The following HAUS1 variants were observed in gnomAD, a reference collection of about 807,000 sequenced individuals.
HAUS1 encodes HAUS augmin-like complex subunit 1.
Under a neutral mutation model 38.6 loss-of-function variants are expected in HAUS1, and 25 were observed. That is an observed-to-expected ratio of 0.65 (90% CI 0.47 to 0.91). The LOEUF (loss-of-function observed/expected upper bound fraction) is 0.91. Among genes scored for constraint, HAUS1 ranks in the 40% least tolerant of loss-of-function variants. The pLI is 0.00. For synonymous variants in HAUS1, 109 were observed against 112.9 expected (o/e 0.97, Z 0.22); for missense variants, 325 against 328.4 (o/e 0.99, Z 0.08).
At chr18:46,123,003 A>G (rs758744585) in intron 5 of HAUS1, among the ~76,000 whole-genome samples, 1 of 152,136 alleles carries the variant, frequency 6.6e-6, no homozygotes, top group Non-Finnish European at 1.5e-5. Context: ...TGAGGTCAGG[A>G]GATCGAGACC....
intron 2 of HAUS1, among the ~76,000 whole-genome samples, chr18:46,112,928 A>T (rs1160795887): frequency 1.7e-5 from 2 of 115,442 alleles, no homozygotes; most frequent in Non-Finnish European, 3.2e-5. Flanking sequence ...TAATGTGTAT[A>T]TATTCCATAT....
In HAUS1 at chr18:46,105,253, C is replaced by T. The variant is rs764022467; in HGVS notation, c.90C>T (p.Asn30=). ...ATCCTATTCCACAGTATGAGGTGAA[C>T]CCACGGACCACAGAGATTTTACATC... ...GDHPIPQYEV[N]PRTTEILHHL... Residue 30 remains asparagine (N), a synonymous_variant, in exon 2 of 9, where the codon AAC becomes AAT. Coordinates refer to ENST00000282058, the MANE Select transcript of HAUS1 (RefSeq NM_138443.4). 12 of 1,613,336 alleles carry T rather than the reference C, an allele frequency of 7.4e-6. No individual in the cohort carries two copies. In the Admixed American group the frequency reaches 1.5e-4, roughly 20 times the overall value.
intron 2 of HAUS1, among the ~76,000 whole-genome samples, chr18:46,110,213 T>C (rs895850522): frequency 6.8e-6 from 1 of 147,920 alleles, no homozygotes; most frequent in African/African-American, 2.5e-5. Context: ...TGACGTGTAG[T>C]GGCATGATCA....
rs1021179997 is a variant in HAUS1, at chr18:46,128,007, A to G, written c.787-68A>G. On this transcript the variant is annotated intron_variant, in intron 8 of 8. Coordinates refer to ENST00000282058, the MANE Select transcript of HAUS1 (RefSeq NM_138443.4). Reference sequence around the variant, plus strand: ...TCCTTTTTTGCTTCCCTTATTTTAAATAACATTAAATAAAAGTTAGAGCAT... The same window carrying G: ...TCCTTTTTTGCTTCCCTTATTTTAAGTAACATTAAATAAAAGTTAGAGCAT... 3.3e-6 allele frequency: 3 copies of G among 909,076 alleles called. No individual in the cohort carries two copies. In the African/African-American group the frequency reaches 5.1e-5, roughly 16 times the overall value. The allele number at this position is 909,076 out of a possible 1,614,324, so 56.3% of individuals were successfully genotyped here.
At position 46,123,364 on chromosome 18, in the gene HAUS1, G is replaced by A. The variant is rs746691730; in HGVS notation, c.666G>A (p.Glu222=). 2 of 1,597,330 alleles carry A rather than the reference G, an allele frequency of 1.3e-6. No homozygotes were observed. The highest frequency in any genetic ancestry group is 1.1e-5 in the South Asian group (1 of 88,514). ...LSHQSLVALS[E]KLARLKQQTI... ...ATCAGTCCTTAGTAGCACTATCAGA[G>A]GTGAGCTTATTTTAACCTAATTTAA... Residue 222 remains glutamate (E), a splice_region_variant and synonymous_variant, in exon 6 of 9, where the codon GAG becomes GAA. Coordinates refer to ENST00000282058, the MANE Select transcript of HAUS1 (RefSeq NM_138443.4).
At chr18:46,115,173 A>G (rs1911766887) in intron 2 of HAUS1, 1 of 152,186 alleles carries the variant, frequency 6.6e-6, no homozygotes, top group South Asian at 2.1e-4. Context: ...CTCAAAATGA[A>G]TAAAGCGCCT....
In HAUS1 at chr18:46,120,051, G is replaced by A. The variant is rs1184314450; in HGVS notation, c.467G>A (p.Cys156Tyr). Residue 156 changes from cysteine to tyrosine, a missense_variant, in exon 4 of 9, where the codon TGT becomes TAT. Physicochemically the swap from Cys to Tyr is radical, Grantham distance 194. Coordinates refer to ENST00000282058, the MANE Select transcript of HAUS1 (RefSeq NM_138443.4). ...NLTATLVLEK[C>Y]LQEDVKKAEL... ...ACTGCAACTTTAGTATTAGAAAAAT[G>A]TCTACAAGAGTAAGTAATTGAGTTC... 1 of 1,590,670 alleles carries A rather than the reference G, an allele frequency of 6.3e-7. No homozygotes were observed.
Position 46,118,213 on chromosome 18 carries a change from G to C in HAUS1, c.238G>C (p.Val80Leu). The C allele has an allele frequency of 1.9e-6, 3 of 1,612,128 alleles. No individual in the cohort carries two copies. Among genetic ancestry groups the C allele is most frequent in the Non-Finnish European group, 2.5e-6 (3 of 1,179,872 alleles). ...KYLQDLLMESVNFSPANLSST... is the reference protein window; with the variant it reads ...KYLQDLLMESLNFSPANLSST... ...TCTTCAAGACCTTCTCATGGAGAGT[G>C]TGAATTTTTCCCCCGCCAATCTCTC... Residue 80 changes from valine (V) to leucine (L), a missense_variant, in exon 3 of 9, where the codon GTG (valine) becomes CTG (leucine). Transcript: ENST00000282058.
intron 2 of HAUS1, among the ~76,000 whole-genome samples, chr18:46,107,702 G>A (rs148603647): frequency 1.5e-4 from 23 of 152,254 alleles, no homozygotes; most frequent in African/African-American, 5.3e-4. Flanking sequence ...TCTATAGCTC[G>A]CTGGACTTGA....
At chr18:46,123,151 C>A in intron 5 of HAUS1, 148 bp from the exon 6 acceptor site, 1 of 576,044 alleles carries the variant, frequency 1.7e-6, no homozygotes, top group Non-Finnish European at 3.1e-6. Context: ...GCGGAGTTTG[C>A]AGAGAGCCGA....
chr18:46,112,338 A>T (rs370602117), intron 2 of HAUS1, among the ~76,000 whole-genome samples: 33 of 118,206 alleles, frequency 2.8e-4, no homozygotes, highest in Admixed American at 1.1e-3. Context: ...GTGTATATAT[A>T]TTCCATATTA....
intron 2 of HAUS1, among the ~76,000 whole-genome samples, chr18:46,105,635 G>T (rs1911451194): frequency 6.6e-6 from 1 of 151,482 alleles, no homozygotes; most frequent in East Asian, 1.9e-4. Context: ...AGGCTGGAGT[G>T]CAGTGGTGTG....
rs1465851180 is a variant in HAUS1, at chr18:46,109,939, GT to G, written c.205+4573del. Among the ~76,000 whole-genome samples, 9 of 152,056 alleles carry G rather than the reference GT, an allele frequency of 5.9e-5. No homozygotes were observed. In the East Asian group the frequency reaches 1.7e-3, roughly 29 times the overall value. On this transcript the variant is annotated intron_variant, in intron 2 of 8. Coordinates refer to ENST00000282058, the MANE Select transcript of HAUS1 (RefSeq NM_138443.4). ...CCTGCCTCAGTTGCTTTTTTAATCA[GT>G]TAAGGGAAGAAAGTAGAAAAAATAT...
chr18:46,105,514 A>T, intron 2 of HAUS1, 146 bp downstream of exon 2: 1 of 624,336 alleles, frequency 1.6e-6, no homozygotes, highest in Non-Finnish European at 2.8e-6. Flanking sequence ...TTATAGTAGT[A>T]ACTTTATTGT....
At chr18:46,127,459 C>T (rs1912139482) in intron 8 of HAUS1, among the ~76,000 whole-genome samples, 1 of 146,212 alleles carries the variant, frequency 6.8e-6, no homozygotes, top group South Asian at 2.1e-4. Context: ...GTAATCCCAG[C>T]ACTTTGGGAG....
chr18:46,116,436 C>T lies in HAUS1; in HGVS notation c.206-1745C>T, dbSNP rs180766158. Among the ~76,000 whole-genome samples the T allele has an allele frequency of 1.9e-3, 281 of 151,864 alleles. 1 individual carries two copies. Among genetic ancestry groups the T allele is most frequent in the African/African-American group, 6.6e-3 (272 of 41,424 alleles). On this transcript the variant is annotated intron_variant, in intron 2 of 8. Coordinates refer to ENST00000282058, the MANE Select transcript of HAUS1 (RefSeq NM_138443.4). ...ATTAGCCAGGCATGGTGGTGCACAC[C>T]TGTAGTCTCAGCTACCTGGGAGGCT...
intron 2 of HAUS1, among the ~76,000 whole-genome samples, chr18:46,113,007 G>GATATTCCATATTATATATAT (rs1911704552): frequency 1.8e-5 from 1 of 54,214 alleles, no homozygotes; most frequent in Non-Finnish European, 3.5e-5. Context: ...CATATATATG[G>GATATTCCATATTATATATAT]AATATATATA....
intron 4 of HAUS1, 28 bp downstream of exon 4, chr18:46,120,088 A>C (rs759452048): frequency 5.2e-5 from 79 of 1,507,380 alleles, no homozygotes; most frequent in African/African-American, 8.4e-5. Context: ...GAGTGGTGAC[A>C]ATTTATAAAT....
At chr18:46,108,599 G>T (rs1399880656) in intron 2 of HAUS1, among the ~76,000 whole-genome samples, 1 of 152,060 alleles carries the variant, frequency 6.6e-6, no homozygotes. Flanking sequence ...CATACCATTT[G>T]CAATGTATTT....
Sources: allele counts gnomAD v4.1 joint callset (sites outside exome capture counted in the v4.1 genomes callset), GRCh38; gene constraint gnomAD v4.1.1; transcripts MANE v1.5; gene names NCBI Gene and HGNC (gene_info 2026-07-23, HGNC 2026-07-21).